The following INSC variants were observed in gnomAD, a reference collection of about 807,000 sequenced individuals.
INSC encodes the protein INSC spindle orientation adaptor protein, also known as protein inscuteable homolog.
INSC carries 67 observed loss-of-function variants against 58.6 expected under a neutral mutation model. The ratio of observed to expected loss-of-function variants is 1.14; its 90% CI spans 0.94 to 1.40. The LOEUF (loss-of-function observed/expected upper bound fraction) is 1.40, where lower values mean the gene tolerates loss of function less well. Ranked by LOEUF, INSC falls within the 40% of genes most tolerant of loss-of-function variation. The probability of loss-of-function intolerance (pLI) is 0.00; values close to 1 mark genes in which losing one functional copy is unlikely to be tolerated. For missense variants in INSC, 714 were observed against 692.0 expected (o/e 1.03, Z -0.36); for synonymous variants, 262 against 276.1 (o/e 0.95, Z 0.51).
At chr11:15,240,386 T>G in intron 11 of INSC, 61 bp from the exon 12 acceptor site, 1 of 1,464,350 alleles carries the variant, frequency 6.8e-7, no homozygotes. Flanking sequence ...GCCCAGAACC[T>G]CTGGGTCAGG....
At chr11:15,137,517 T>C (rs891907026) in intron 1 of INSC, among the ~76,000 whole-genome samples, 2 of 152,250 alleles carry the variant, frequency 1.3e-5, no homozygotes, top group Non-Finnish European at 2.9e-5. Flanking sequence ...CTAGATCTTC[T>C]GGATAACTTG....
chr11:15,218,808 T>C (rs769237031), intron 7 of INSC, among the ~76,000 whole-genome samples: 13 of 152,194 alleles, frequency 8.5e-5, no homozygotes, highest in Non-Finnish European at 1.8e-4. Context: ...TGGCTGTTTC[T>C]CCAATGCTAT....
intron 6 of INSC, among the ~76,000 whole-genome samples, chr11:15,199,297 TAA>T (rs1320007318): frequency 1.3e-5 from 2 of 152,188 alleles, no homozygotes; most frequent in African/African-American, 4.8e-5. Context: ...GTAGAATATA[TAA>T]GTTGTGATTA....
chr11:15,175,240 G>A (rs571880880), intron 2 of INSC, among the ~76,000 whole-genome samples: 5 of 152,100 alleles, frequency 3.3e-5, no homozygotes, highest in Middle Eastern at 3.4e-3. Context: ...TTCCATTTTT[G>A]CATATTAGCA....
At chr11:15,178,889 T>C (rs1849666780) in intron 5 of INSC, among the ~76,000 whole-genome samples, 1 of 152,236 alleles carries the variant, frequency 6.6e-6, no homozygotes, top group African/African-American at 2.4e-5. Context: ...CCCTCTTCTC[T>C]GTTGAGTTAA....
In INSC at chr11:15,179,435, C is replaced by A. The variant is rs564409111; in HGVS notation, c.579+988C>A. ...ACAAATAACAAATCTCTTTCCATGTCGGCTCCTCTCCAAATTCAGCCTCTC... is the reference window on the plus strand; with the variant it reads ...ACAAATAACAAATCTCTTTCCATGTAGGCTCCTCTCCAAATTCAGCCTCTC... On this transcript the variant is annotated intron_variant, in intron 5 of 12. Transcript: ENST00000379556. Among the ~76,000 whole-genome samples the A allele has an allele frequency of 1.3e-5, 2 of 152,212 alleles. 1 individual carries two copies. Among genetic ancestry groups the A allele is most frequent in the South Asian group, 4.1e-4 (2 of 4,832 alleles).
rs34924065 is a variant in INSC at position 15,144,814 on chromosome 11, T to TG, written c.-45-4313dup. Among the ~76,000 whole-genome samples, 141 of 152,332 alleles carry TG rather than the reference T, an allele frequency of 9.3e-4. 6 individuals carry two copies. Among genetic ancestry groups the TG allele is most frequent in the East Asian group, 8.5e-3 (44 of 5,188 alleles). On this transcript the variant is annotated intron_variant, in intron 1 of 12. Coordinates refer to ENST00000379556, the MANE Select transcript of INSC (RefSeq NM_001042536.3). ...GGAGGTGAGCAAAGGCTGCTTCTAA[T>TG]GGGATGTGGGCGCAGAGATGAGCTG...
chr11:15,133,574 G>A (rs1451445735), intron 1 of INSC, among the ~76,000 whole-genome samples: 1 of 130,056 alleles, frequency 7.7e-6, no homozygotes. Context: ...CTTAAACTGA[G>A]TTTCTGGTTT....
In INSC at chr11:15,225,038, C is replaced by G. The variant is rs893995799; in HGVS notation, c.992-612C>G. ...TTAGCAGCAGGCTAGTGTGCATTAC[C>G]GGAGACACACATGGACTGAGAGCTC... On this transcript the variant is annotated intron_variant, in intron 8 of 12. Transcript: ENST00000379556. Among the ~76,000 whole-genome samples the G allele has an allele frequency of 1.1e-4, 16 of 152,284 alleles. No homozygotes were observed. In the South Asian group the frequency reaches 1.5e-3, roughly 14 times the overall value.
chr11:15,199,752 T>C lies in INSC; in HGVS notation c.694-1072T>C, dbSNP rs1850506938. ...CCCTGAGGGACCCAGTTCAGATCAG[T>C]TGCTCATGCATTCTTTACTGCTGCC... is the stretch of plus-strand genomic sequence containing the variant. On this transcript the variant is annotated intron_variant, in intron 6 of 12. Coordinates refer to ENST00000379556, the MANE Select transcript of INSC (RefSeq NM_001042536.3). Among the ~76,000 whole-genome samples the C allele has an allele frequency of 3.3e-5, 5 of 152,260 alleles. No individual in the cohort carries two copies. The South Asian group carries it at 1.0e-3, about 32-fold the overall frequency.
At chr11:15,155,182 A>G (rs2133766235) in intron 2 of INSC, among the ~76,000 whole-genome samples, 1 of 152,318 alleles carries the variant, frequency 6.6e-6, no homozygotes, top group African/African-American at 2.4e-5. Flanking sequence ...GGCTACACTT[A>G]GCAACTTGCC....
intron 1 of INSC, among the ~76,000 whole-genome samples, chr11:15,131,968 A>G (rs1053635562): frequency 7.2e-5 from 11 of 152,274 alleles, no homozygotes; most frequent in African/African-American, 2.6e-4. Context: ...TTACTATTAC[A>G]CATTGATATT....
At chr11:15,245,764 G>A in intron 12 of INSC, 148 bp from the exon 13 acceptor site, 1 of 973,310 alleles carries the variant, frequency 1.0e-6, no homozygotes, top group South Asian at 1.8e-5. Context: ...TGGTGACTGA[G>A]ATGCCAAGTG....
At chr11:15,204,019 G>A (rs1340575514) in intron 7 of INSC, among the ~76,000 whole-genome samples, 1 of 152,114 alleles carries the variant, frequency 6.6e-6, no homozygotes, top group Admixed American at 6.5e-5. Flanking sequence ...AGACCATATA[G>A]CCTTCAAAGC....
At chr11:15,258,328 A>C in the INSC span, among the ~76,000 whole-genome samples, 1 of 152,208 alleles carries the variant, frequency 6.6e-6, no homozygotes, top group Non-Finnish European at 1.5e-5. Flanking sequence ...GATGCTGAGA[A>C]TCTATCAAGA....
chr11:15,201,453 C>T lies in INSC; in HGVS notation c.819+504C>T, dbSNP rs1850588927. 2.0e-5 allele frequency among the ~76,000 whole-genome samples: 3 copies of T among 152,124 alleles called. No homozygotes were observed. In the South Asian group the frequency reaches 6.2e-4, roughly 32 times the overall value. ...AGGTGGAAGCCCCAGTCCAAGTGCTCACTGGGCCAAGATGGCGTGGGAGTA... is the reference window on the plus strand; with the variant it reads ...AGGTGGAAGCCCCAGTCCAAGTGCTTACTGGGCCAAGATGGCGTGGGAGTA... On this transcript the variant is annotated intron_variant, in intron 7 of 12. Transcript: ENST00000379556.
chr11:15,217,532 C>T (rs576407016), intron 7 of INSC, among the ~76,000 whole-genome samples: 2 of 152,212 alleles, frequency 1.3e-5, no homozygotes, highest in African/African-American at 4.8e-5. Context: ...AAGCCCAGAA[C>T]CCAGTGGTGT....
In INSC at chr11:15,179,982, C is replaced by T. The variant is rs184118747; in HGVS notation, c.579+1535C>T. Among the ~76,000 whole-genome samples the T allele has an allele frequency of 1.0e-3, 154 of 152,266 alleles. 1 individual carries two copies. Among genetic ancestry groups the T allele is most frequent in the Non-Finnish European group, 1.7e-3 (113 of 68,012 alleles). ...ATTAAAAGGGCTGAAAATGGCTGGA[C>T]GCAGTGGCTCACGCCTGTAATTCCA... On this transcript the variant is annotated intron_variant, in intron 5 of 12. Transcript: ENST00000379556.
chr11:15,134,487 A>G (rs1848196217), intron 1 of INSC, among the ~76,000 whole-genome samples: 1 of 152,186 alleles, frequency 6.6e-6, no homozygotes, highest in Non-Finnish European at 1.5e-5. Flanking sequence ...GTTTGTAGGT[A>G]TTTACTCCAT....
Sources: allele counts gnomAD v4.1 joint callset (sites outside exome capture counted in the v4.1 genomes callset), GRCh38; gene constraint gnomAD v4.1.1; transcripts MANE v1.5; gene names NCBI Gene and HGNC (gene_info 2026-07-23, HGNC 2026-07-21).